The following BTBD16 variants were observed in gnomAD, a reference collection of about 807,000 sequenced individuals.
The protein encoded by BTBD16 is BTB/POZ domain-containing protein 16.
BTBD16 carries 66 observed loss-of-function variants against 67.4 expected under a neutral mutation model. That is an observed-to-expected ratio of 0.98 (90% confidence interval 0.80 to 1.20). The LOEUF is 1.20. Among genes scored for constraint, BTBD16 ranks in the 50% most tolerant of loss-of-function variants. The pLI, the probability that BTBD16 is intolerant of heterozygous loss-of-function variation, is 0.00. For synonymous variants in BTBD16, 242 were observed against 236.4 expected (o/e 1.02, Z -0.22); for missense variants, 634 against 616.0 (o/e 1.03, Z -0.31).
chr10:122,331,988 G>A (rs1193451621), intron 12 of BTBD16: 3 of 174,248 alleles, frequency 1.7e-5, no homozygotes, highest in East Asian at 1.6e-4. Context: ...CAGACATCTC[G>A]GGAAGTCCCC....
intron 10 of BTBD16, among the ~76,000 whole-genome samples, chr10:122,309,774 ATT>A (rs5788543): frequency 5.9e-5 from 8 of 136,666 alleles, no homozygotes; most frequent in Admixed American, 1.5e-4. Flanking sequence ...TGCTGAGTAC[ATT>A]TTTTTTTTTT....
chr10:122,286,122 C>G lies in BTBD16; in HGVS notation c.259C>G (p.Leu87Val), dbSNP rs1212760899. The change falls in exon 5 of 16, where the codon CTG (leucine) becomes GTG (valine). Residue 87 changes from leucine (L) to valine (V), a missense_variant. Physicochemically the swap from Leu to Val is conservative, Grantham distance 32. Transcript: ENST00000260723. Reference sequence around the variant, plus strand: ...GTCCTCAGATGTGATTCTCGAGTGCCTGGGCTTCAAATGGGAGCTCCATCA... The same window carrying G: ...GTCCTCAGATGTGATTCTCGAGTGCGTGGGCTTCAAATGGGAGCTCCATCA... ...SGEADVILEC[L>V]GFKWELHQPQ... 2.5e-6 allele frequency: 4 copies of G among 1,613,512 alleles called. No individual in the cohort carries two copies. The highest frequency in any genetic ancestry group is 1.7e-5 in the Admixed American group (1 of 59,962).
chr10:122,297,981 C>CACAA, intron 8 of BTBD16, 144 bp downstream of exon 8: 1 of 695,386 alleles, frequency 1.4e-6, no homozygotes, highest in Non-Finnish European at 2.4e-6. Flanking sequence ...CACATGAACA[C>CACAA]ATTTGTGTGT....
chr10:122,291,302 C>G, intron 7 of BTBD16, 108 bp downstream of exon 7: 5 of 1,347,794 alleles, frequency 3.7e-6, no homozygotes, highest in Non-Finnish European at 4.9e-6. Flanking sequence ...TAAGACACCT[C>G]AGGTGTCTTT....
chr10:122,294,615 G>A (rs2096379862), intron 7 of BTBD16, among the ~76,000 whole-genome samples: 1 of 152,236 alleles, frequency 6.6e-6, no homozygotes. Flanking sequence ...GGTTCCTCCA[G>A]GCTCACAGGG....
At chr10:122,334,194 C>CTTTT (rs71301565) in intron 13 of BTBD16, among the ~76,000 whole-genome samples, 1 of 93,170 alleles carries the variant, frequency 1.1e-5, no homozygotes, top group Non-Finnish European at 2.2e-5. Context: ...GTCCTCTTGA[C>CTTTT]TTTTTTTTTT....
intron 12 of BTBD16, chr10:122,331,889 TCC>T (rs1300954910): frequency 1.9e-5 from 3 of 155,538 alleles, no homozygotes; most frequent in African/African-American, 7.2e-5. Flanking sequence ...AGATCTCGAC[TCC>T]GTGGAAGGAG....
chr10:122,292,296 G>T (rs1216511968), intron 7 of BTBD16, among the ~76,000 whole-genome samples: 1 of 152,232 alleles, frequency 6.6e-6, no homozygotes, highest in Non-Finnish European at 1.5e-5. Flanking sequence ...AGGATGGAGT[G>T]TTTGCCTTTC....
intron 10 of BTBD16, among the ~76,000 whole-genome samples, chr10:122,315,651 A>G (rs2096422674): frequency 6.6e-6 from 1 of 152,124 alleles, no homozygotes; most frequent in Non-Finnish European, 1.5e-5. Context: ...ATTTTGGAAG[A>G]CTTTTAGTTA....
At chr10:122,322,213 C>T (rs1432371875) in intron 10 of BTBD16, among the ~76,000 whole-genome samples, 1 of 151,850 alleles carries the variant, frequency 6.6e-6, no homozygotes, top group Non-Finnish European at 1.5e-5. Context: ...TCGTTATTTC[C>T]TTCTACTTTC....
At chr10:122,327,428 A>G (rs2096447056) in intron 10 of BTBD16, 1 of 201,066 alleles carries the variant, frequency 5.0e-6, no homozygotes, top group South Asian at 1.7e-4. Flanking sequence ...CTTCCCAAAC[A>G]CTGTCAGCTT....
chr10:122,327,603 A>G (rs769469256), intron 10 of BTBD16: 37 of 985,206 alleles, frequency 3.8e-5, no homozygotes, highest in Non-Finnish European at 4.3e-5. Context: ...TGATGAGATG[A>G]CTCATGGCCT....
intron 10 of BTBD16, among the ~76,000 whole-genome samples, chr10:122,319,512 C>T (rs80286953): frequency 0.016 from 2,375 of 152,088 alleles, 49 homozygotes; most frequent in African/African-American, 0.052. Context: ...CTTTTGGCAC[C>T]GTTGTCAAAC....
At chr10:122,330,484 C>CT (rs1340950671) in intron 11 of BTBD16, among the ~76,000 whole-genome samples, 1 of 152,224 alleles carries the variant, frequency 6.6e-6, no homozygotes, top group Non-Finnish European at 1.5e-5. Context: ...TCGAGGGCCA[C>CT]TGATGGCATT....
intron 10 of BTBD16, among the ~76,000 whole-genome samples, chr10:122,311,051 A>G (rs2096412945): frequency 6.6e-6 from 1 of 152,218 alleles, no homozygotes; most frequent in African/African-American, 2.4e-5. Flanking sequence ...CTTCTCCAGC[A>G]ACGACTATAC....
chr10:122,309,958 G>T (rs906501958), intron 10 of BTBD16, among the ~76,000 whole-genome samples: 1 of 151,022 alleles, frequency 6.6e-6, no homozygotes, highest in Non-Finnish European at 1.5e-5. Flanking sequence ...TTTTAGTAGG[G>T]GTGGGGTTTC....
At chr10:122,336,469 C>T in intron 14 of BTBD16, 25 bp from the exon 15 acceptor site, 1 of 1,578,434 alleles carries the variant, frequency 6.3e-7, no homozygotes, top group Non-Finnish European at 8.6e-7. Flanking sequence ...GCAGTTCCAC[C>T]TAAGGTGAAT....
intron 11 of BTBD16, among the ~76,000 whole-genome samples, chr10:122,330,697 G>C (rs112595296): frequency 0.024 from 3,620 of 152,222 alleles, 147 homozygotes; most frequent in African/African-American, 0.082. Context: ...TTGGAAGTTT[G>C]TTTGTATAAG....
At chr10:122,283,144 C>T (rs116366932) in intron 3 of BTBD16, among the ~76,000 whole-genome samples, 239 of 152,304 alleles carry the variant, frequency 1.6e-3, no homozygotes, top group African/African-American at 5.4e-3. Context: ...GAGACAAGAC[C>T]AAATTTGCAT....
Sources: allele counts gnomAD v4.1 joint callset (sites outside exome capture counted in the v4.1 genomes callset), GRCh38; gene constraint gnomAD v4.1.1; transcripts MANE v1.5; gene names NCBI Gene and HGNC (gene_info 2026-07-23, HGNC 2026-07-21).